PAWR: variants seen among roughly 807,000 people sequenced by gnomAD.
PAWR encodes the protein PRKC apoptosis WT1 regulator protein.
PAWR carries 23 observed loss-of-function variants against 32.0 expected under a neutral mutation model. The observed-to-expected ratio is 0.72, with a 90% confidence interval of 0.52 to 1.02. The LOEUF (loss-of-function observed/expected upper bound fraction) is 1.02, where lower values mean the gene tolerates loss of function less well. Among genes scored for constraint, PAWR ranks in the 50% least tolerant of loss-of-function variants. The pLI, the probability that PAWR is intolerant of heterozygous loss-of-function variation, is 0.00. For synonymous variants in PAWR, 226 were observed against 187.1 expected (o/e 1.21, Z -1.70); for missense variants, 457 against 437.7 (o/e 1.04, Z -0.39).
rs1006640851 is a variant in PAWR at position 79,588,278 on chromosome 12, C to T, written c.*4329G>A. ...CAGACTTACATATCTAAAAACAAACCAGTAATCAATAATATATACAGAAAT... is the reference window on the plus strand; with the variant it reads ...CAGACTTACATATCTAAAAACAAACTAGTAATCAATAATATATACAGAAAT... On this transcript the variant is annotated 3_prime_UTR_variant, in exon 7 of 7. Transcript: ENST00000328827. 1 of 151,864 alleles carries T rather than the reference C, an allele frequency of 6.6e-6. No homozygotes were observed. Among genetic ancestry groups the T allele is most frequent in the African/African-American group, 2.4e-5 (1 of 41,404 alleles). The allele number at this position is 151,864 out of a possible 1,614,324, so 9.4% of individuals were successfully genotyped here.
At chr12:79,638,078 C>T (rs189859671) in intron 2 of PAWR, among the ~76,000 whole-genome samples, 5 of 151,696 alleles carry the variant, frequency 3.3e-5, no homozygotes, top group African/African-American at 1.2e-4. Context: ...TTGTGTGTAT[C>T]TCTAATTTTT....
At chr12:79,660,946 T>G (rs954646555) in intron 2 of PAWR, among the ~76,000 whole-genome samples, 1 of 151,592 alleles carries the variant, frequency 6.6e-6, no homozygotes, top group African/African-American at 2.4e-5. Context: ...TAAGTCCATA[T>G]AGCTAAGAAA....
At chr12:79,688,815 T>C (rs138706011) in intron 2 of PAWR, among the ~76,000 whole-genome samples, 79 of 152,312 alleles carry the variant, frequency 5.2e-4, no homozygotes, top group African/African-American at 1.8e-3. Flanking sequence ...GATGCAACTA[T>C]TTTAGGTGAA....
intron 2 of PAWR, among the ~76,000 whole-genome samples, chr12:79,625,989 C>G (rs538858855): frequency 6.7e-6 from 1 of 149,356 alleles, no homozygotes; most frequent in Non-Finnish European, 1.5e-5. Context: ...ACAGTGAAAC[C>G]CCATCTCTAC....
intron 2 of PAWR, among the ~76,000 whole-genome samples, chr12:79,641,697 C>A (rs4842317): frequency 1 from 151,889 of 151,890 alleles, 75,944 homozygotes; most frequent in Non-Finnish European, 1. Flanking sequence ...AAATACAAAA[C>A]TTAGCTGGGC....
intron 2 of PAWR, among the ~76,000 whole-genome samples, chr12:79,671,567 T>G (rs1392279330): frequency 6.6e-6 from 1 of 152,230 alleles, no homozygotes; most frequent in Admixed American, 6.5e-5. Context: ...TCTCCATCTA[T>G]TAATATGAGA....
At chr12:79,593,072 G>T (rs1873614617) in intron 6 of PAWR, among the ~76,000 whole-genome samples, 1 of 152,028 alleles carries the variant, frequency 6.6e-6, no homozygotes. Flanking sequence ...GCCATATATG[G>T]TATTGAGCCC....
chr12:79,678,097 T>C (rs1229966827), intron 2 of PAWR, among the ~76,000 whole-genome samples: 2 of 152,236 alleles, frequency 1.3e-5, no homozygotes, highest in African/African-American at 4.8e-5. Flanking sequence ...TTAATGCATA[T>C]GGAAATTTTG....
At chr12:79,633,987 T>TG (rs1875840171) in intron 2 of PAWR, among the ~76,000 whole-genome samples, 1 of 152,076 alleles carries the variant, frequency 6.6e-6, no homozygotes, top group Non-Finnish European at 1.5e-5. Flanking sequence ...AAAACAAAAC[T>TG]GGCCATGAGT....
intron 4 of PAWR, chr12:79,603,588 T>C (rs1338189576): frequency 6.6e-6 from 1 of 151,880 alleles, no homozygotes; most frequent in Non-Finnish European, 1.5e-5. Flanking sequence ...AAACAATATT[T>C]CAAAAAAGTT....
intron 3 of PAWR, among the ~76,000 whole-genome samples, chr12:79,616,975 C>T (rs1259380464): frequency 4.6e-5 from 7 of 152,120 alleles, no homozygotes; most frequent in African/African-American, 1.7e-4. Flanking sequence ...AGCACACAGA[C>T]GACACGAGTT....
chr12:79,620,460 C>G (rs1361386897), intron 3 of PAWR, among the ~76,000 whole-genome samples: 5 of 152,136 alleles, frequency 3.3e-5, no homozygotes, highest in Non-Finnish European at 5.9e-5. Context: ...ACAGCTCACT[C>G]AGCCTGACCT....
Position 79,690,028 on chromosome 12 carries a change from G to A in PAWR, c.217C>T (p.Leu73Phe), listed in dbSNP as rs1037608294. 11 of 1,322,138 alleles carry A rather than the reference G, an allele frequency of 8.3e-6. No individual in the cohort carries two copies. The highest frequency in any genetic ancestry group is 4.2e-5 in the Admixed American group (1 of 23,978). The allele number at this position is 1,322,138 out of a possible 1,614,324, so 81.9% of individuals were successfully genotyped here. ...GGTGCGGCCGGCGCGCCGCCCGGGA[G>A]GTTGTTGTTGAGCTCGTTGGCAGCG... is the stretch of plus-strand genomic sequence containing the variant. The part of the protein sequence containing the change: ...AAAANELNNN[L>F]PGGAPAAPAV... The change falls in exon 2 of 7, where the codon CTC (leucine) becomes TTC (phenylalanine). Residue 73 changes from leucine (L) to phenylalanine (F), a missense_variant. Leu to Phe is a conservative substitution (Grantham distance 22). Coordinates refer to ENST00000328827, the MANE Select transcript of PAWR (RefSeq NM_002583.4).
intron 2 of PAWR, among the ~76,000 whole-genome samples, chr12:79,656,929 G>A (rs1877119275): frequency 6.6e-6 from 1 of 152,116 alleles, no homozygotes; most frequent in Non-Finnish European, 1.5e-5. Flanking sequence ...GATGGAAATG[G>A]GAGTCCAGGA....
At chr12:79,599,832 T>C (rs1158303423) in intron 4 of PAWR, among the ~76,000 whole-genome samples, 2 of 152,184 alleles carry the variant, frequency 1.3e-5, no homozygotes, top group Admixed American at 1.3e-4. Flanking sequence ...GTCATTTGTA[T>C]GCAGTTTTTT....
intron 2 of PAWR, among the ~76,000 whole-genome samples, chr12:79,648,191 A>G (rs1361652298): frequency 6.6e-6 from 1 of 152,188 alleles, no homozygotes; most frequent in Non-Finnish European, 1.5e-5. Flanking sequence ...TAAAATCCAT[A>G]AAGTAAATAA....
At chr12:79,659,796 T>C (rs1033724116) in intron 2 of PAWR, among the ~76,000 whole-genome samples, 1 of 152,202 alleles carries the variant, frequency 6.6e-6, no homozygotes, top group Non-Finnish European at 1.5e-5. Context: ...ATTTTGTCTG[T>C]TGCCCATCCT....
At chr12:79,684,779 C>T (rs1281024007) in intron 2 of PAWR, among the ~76,000 whole-genome samples, 1 of 152,126 alleles carries the variant, frequency 6.6e-6, no homozygotes, top group Non-Finnish European at 1.5e-5. Flanking sequence ...ATAAATAGGG[C>T]TATTTTTAAA....
chr12:79,621,141 G>A lies in PAWR; in HGVS notation c.583C>T (p.Gln195Ter), dbSNP rs1436348342. ...GCTTCATTCTGAATAGTGTTCTGTT[G>A]TGTAATTGCATCTTCTCGTTTCCGC... ...KERKREDAIT[Q>*]QNTIQNEAVN... Residue 195 changes from glutamine to a stop codon, truncating the protein, a stop_gained, in exon 3 of 7, where the codon CAA (glutamine) becomes TAA (stop). Coordinates refer to ENST00000328827, the MANE Select transcript of PAWR (RefSeq NM_002583.4). LOFTEE classifies it high-confidence loss of function. 3 of 1,608,266 alleles carry A rather than the reference G, an allele frequency of 1.9e-6. No homozygotes were observed. The highest frequency in any genetic ancestry group is 1.7e-6 in the Non-Finnish European group (2 of 1,175,776).
Sources: gnomAD v4.1 joint callset for allele counts (sites outside exome capture counted in the v4.1 genomes callset) on GRCh38, gnomAD v4.1.1 for gene constraint, MANE v1.5 for transcripts, NCBI Gene and HGNC (gene_info 2026-07-23, HGNC 2026-07-21) for gene names.